RIMS1: variants seen among roughly 807,000 people sequenced by gnomAD.
RIMS1 encodes the protein regulating synaptic membrane exocytosis 1.
In RIMS1, 83 loss-of-function variants were observed where a neutral mutation model predicts 214.1. The ratio of observed to expected loss-of-function variants is 0.39; its 90% CI spans 0.32 to 0.47. RIMS1 has a LOEUF of 0.47. Among genes scored for constraint, RIMS1 ranks in the 20% least tolerant of loss-of-function variants. The probability of loss-of-function intolerance (pLI) is 0.99; values close to 1 mark genes in which losing one functional copy is unlikely to be tolerated. For synonymous variants in RIMS1, 793 were observed against 786.8 expected, an observed-to-expected ratio of 1.01 and a Z score of -0.13; for missense variants, 2,050 against 2,161.8, an observed-to-expected ratio of 0.95 and a Z score of 1.03.
intron 2 of RIMS1, among the ~76,000 whole-genome samples, chr6:72,090,771 A>T (rs1279800188): frequency 6.6e-6 from 1 of 152,192 alleles, no homozygotes; most frequent in Non-Finnish European, 1.5e-5. Context: ...CTGTGAATTT[A>T]TGTTCAACAG....
At chr6:72,282,632 C>A (rs1226815229) in intron 23 of RIMS1, among the ~76,000 whole-genome samples, 1 of 152,088 alleles carries the variant, frequency 6.6e-6, no homozygotes, top group African/African-American at 2.4e-5. Context: ...AGATTTTAAT[C>A]CTAGCTTTGC....
intron 6 of RIMS1, among the ~76,000 whole-genome samples, chr6:72,198,744 G>C (rs2496521): frequency 1 from 151,911 of 151,936 alleles, 75,943 homozygotes; most frequent in Middle Eastern, 1. Context: ...ATATGCTATG[G>C]GTGTAACAAA....
At chr6:72,336,521 T>A (rs16882308) in intron 29 of RIMS1, among the ~76,000 whole-genome samples, 1,991 of 151,846 alleles carry the variant, frequency 0.013, 47 homozygotes, top group African/African-American at 0.044. Flanking sequence ...GGAAATGGGA[T>A]TATGAAGCCA....
chr6:72,304,039 A>G (rs1262479432), intron 26 of RIMS1, among the ~76,000 whole-genome samples: 1 of 151,620 alleles, frequency 6.6e-6, no homozygotes, highest in African/African-American at 2.4e-5. Context: ...TTGCATGATA[A>G]TTACATTTCT....
At chr6:72,320,350 ATTTGT>A (rs1292384732) in intron 28 of RIMS1, among the ~76,000 whole-genome samples, 1 of 152,166 alleles carries the variant, frequency 6.6e-6, no homozygotes, top group Non-Finnish European at 1.5e-5. Flanking sequence ...TTCTACTAGT[ATTTGT>A]TTAGTACAAC....
intron 2 of RIMS1, among the ~76,000 whole-genome samples, chr6:72,008,974 C>G (rs1204947398): frequency 6.6e-6 from 1 of 152,138 alleles, no homozygotes; most frequent in Non-Finnish European, 1.5e-5. Flanking sequence ...CCAAGCGGGC[C>G]TAAAAGACAC....
intron 1 of RIMS1, among the ~76,000 whole-genome samples, chr6:71,966,162 A>G (rs1794385484): frequency 6.6e-6 from 1 of 152,222 alleles, no homozygotes; most frequent in Admixed American, 6.5e-5. Context: ...GTAAATGATT[A>G]GCAACCTGAA....
At chr6:72,297,166 T>C (rs2094177296) in intron 26 of RIMS1, among the ~76,000 whole-genome samples, 1 of 151,956 alleles carries the variant, frequency 6.6e-6, no homozygotes, top group Non-Finnish European at 1.5e-5. Flanking sequence ...ATTAAAAAAT[T>C]AAAAAATTCA....
intron 6 of RIMS1, among the ~76,000 whole-genome samples, chr6:72,224,669 T>G (rs2059641196): frequency 6.6e-6 from 1 of 152,240 alleles, no homozygotes; most frequent in South Asian, 2.1e-4. Flanking sequence ...TTGACCGACA[T>G]TAACGTAGTT....
intron 4 of RIMS1, among the ~76,000 whole-genome samples, chr6:72,149,936 T>G (rs1278286315): frequency 6.6e-6 from 1 of 152,204 alleles, no homozygotes; most frequent in Non-Finnish European, 1.5e-5. Flanking sequence ...TGACCTAGCC[T>G]GCCTGTTTTA....
chr6:71,935,413 T>C (rs1418945839), intron 1 of RIMS1, among the ~76,000 whole-genome samples: 1 of 152,182 alleles, frequency 6.6e-6, no homozygotes, highest in Non-Finnish European at 1.5e-5. Context: ...ATGCCATATA[T>C]TTTCACATAT....
At chr6:72,357,145 C>G (rs767146768) in intron 29 of RIMS1, among the ~76,000 whole-genome samples, 2 of 152,260 alleles carry the variant, frequency 1.3e-5, no homozygotes, top group Non-Finnish European at 2.9e-5. Context: ...GCCTGTGGGC[C>G]AGAGAATAAA....
intron 4 of RIMS1, among the ~76,000 whole-genome samples, chr6:72,140,676 C>A (rs555097966): frequency 9.2e-5 from 14 of 151,992 alleles, no homozygotes; most frequent in Non-Finnish European, 1.5e-4. Flanking sequence ...TGCTGTAAGA[C>A]CTCTAACTTC....
intron 29 of RIMS1, among the ~76,000 whole-genome samples, chr6:72,343,492 C>CTT (rs764125827): frequency 0.029 from 1,668 of 57,284 alleles, 13 homozygotes; most frequent in East Asian, 0.041. Context: ...TCTTCTTCTT[C>CTT]TTTTTTTTTT....
intron 6 of RIMS1, among the ~76,000 whole-genome samples, chr6:72,223,700 C>A (rs1016504791): frequency 3.3e-5 from 5 of 152,016 alleles, no homozygotes; most frequent in Admixed American, 2.0e-4. Context: ...GTAATCCCAG[C>A]ACTTTGGGAG....
intron 29 of RIMS1, among the ~76,000 whole-genome samples, chr6:72,341,886 C>A (rs530306221): frequency 1.3e-5 from 2 of 151,646 alleles, no homozygotes; most frequent in Non-Finnish European, 3.0e-5. Context: ...AGCATAATAT[C>A]TTTTCTCCAA....
At chr6:72,221,748 G>T (rs555527581) in intron 6 of RIMS1, among the ~76,000 whole-genome samples, 1 of 151,764 alleles carries the variant, frequency 6.6e-6, no homozygotes, top group Non-Finnish European at 1.5e-5. Context: ...TTTTATAAAA[G>T]ATAAAATTAA....
chr6:71,986,419 C>A (rs1203189919), intron 2 of RIMS1, among the ~76,000 whole-genome samples: 2 of 152,012 alleles, frequency 1.3e-5, no homozygotes, highest in East Asian at 3.9e-4. Flanking sequence ...ATTAGGACAA[C>A]CAGATAGAAG....
Position 72,115,436 on chromosome 6 carries a change from T to C in RIMS1, c.471+15450T>C, listed in dbSNP as rs555432264. Among the ~76,000 whole-genome samples, 604 of 152,102 alleles carry C rather than the reference T, an allele frequency of 4.0e-3. 2 individuals are homozygous for C. Among genetic ancestry groups the C allele is most frequent in the Non-Finnish European group, 7.5e-3 (508 of 67,886 alleles). On this transcript the variant is annotated intron_variant, in intron 4 of 33. Coordinates refer to ENST00000521978, the MANE Select transcript of RIMS1 (RefSeq NM_014989.7). ...TTACAAAGCGATTAAATTTGTTACCTATATTTGAGATTGCCTTTATCTAGG... is the reference window on the plus strand; with the variant it reads ...TTACAAAGCGATTAAATTTGTTACCCATATTTGAGATTGCCTTTATCTAGG...
Sources: gnomAD v4.1 joint callset for allele counts (sites outside exome capture counted in the v4.1 genomes callset) on GRCh38, gnomAD v4.1.1 for gene constraint, MANE v1.5 for transcripts, NCBI Gene and HGNC (gene_info 2026-07-23, HGNC 2026-07-21) for gene names.